HOGA1: variants seen among roughly 807,000 people sequenced by gnomAD.
The protein encoded by HOGA1 is 4-hydroxy-2-oxoglutarate aldolase 1, also known as 4-hydroxy-2-oxoglutarate aldolase, mitochondrial.
A neutral mutation model predicts 34.3 loss-of-function variants in HOGA1; 30 were observed. That is an observed-to-expected ratio of 0.87 (90% CI 0.65 to 1.19). The LOEUF (loss-of-function observed/expected upper bound fraction) is 1.19. Ranked by LOEUF, HOGA1 falls within the 50% of genes most tolerant of loss-of-function variation. The pLI, the probability that HOGA1 is intolerant of heterozygous loss-of-function variation, is 0.00. For synonymous variants in HOGA1, 161 were observed against 174.0 expected, an observed-to-expected ratio of 0.93 and a Z score of 0.59; for missense variants, 417 against 436.5, an observed-to-expected ratio of 0.96 and a Z score of 0.40.
intron 6 of HOGA1, chr10:97,602,503 A>G (rs931964430): frequency 5.1e-6 from 5 of 985,290 alleles, no homozygotes; most frequent in Non-Finnish European, 6.0e-6. Context: ...AGCAAAGGAG[A>G]ACTTCAGAGA....
In HOGA1 at chr10:97,599,206, A is replaced by G. The variant is rs114103069; in HGVS notation, c.458A>G (p.His153Arg). ...ATGAGCAGTGCGGCCCTCATTCACCACTACACCAAGGTGTGTGTGAGGCCT... is the reference window on the plus strand; with the variant it reads ...ATGAGCAGTGCGGCCCTCATTCACCGCTACACCAAGGTGTGTGTGAGGCCT... ...GRMSSAALIH[H>R]YTKVADLSPI... The change falls in exon 3 of 7, where the codon CAC (histidine) becomes CGC (arginine). Residue 153 changes from histidine to arginine, a missense_variant. Transcript: ENST00000370646. 2 of 1,613,912 alleles carry G rather than the reference A, an allele frequency of 1.2e-6. No individual in the cohort carries two copies. The highest frequency in any genetic ancestry group is 2.2e-5 in the East Asian group (1 of 44,876).
intron 1 of HOGA1, chr10:97,590,280 CT>C: frequency 2.5e-6 from 4 of 1,613,752 alleles, no homozygotes; most frequent in Non-Finnish European, 3.4e-6. Flanking sequence ...GCCGCTGTGG[CT>C]GCCTGCACCA....
chr10:97,601,602 A>T (rs1315285308), intron 5 of HOGA1, among the ~76,000 whole-genome samples: 1 of 152,158 alleles, frequency 6.6e-6, no homozygotes, highest in African/African-American at 2.4e-5. Context: ...GTTCACTTTC[A>T]GGCTCTGCTC....
At position 97,612,548 on chromosome 10, in the gene HOGA1, T is replaced by C. The variant is rs2041206090; in HGVS notation, c.*889T>C. On this transcript the variant is annotated 3_prime_UTR_variant, in exon 7 of 7. Transcript: ENST00000370646. ...ACGCCCTTTTCTAAATCTATTTTCATTCATCTCCTATTCTGGTCTGTAGCC... is the reference window on the plus strand; with the variant it reads ...ACGCCCTTTTCTAAATCTATTTTCACTCATCTCCTATTCTGGTCTGTAGCC... The C allele has an allele frequency of 6.6e-6, 1 of 152,240 alleles. No individual in the cohort carries two copies. The highest frequency in any genetic ancestry group is 1.5e-5 in the Non-Finnish European group (1 of 68,052). 9.4% of individuals were successfully genotyped at this position (152,240 alleles called of 1,614,324 possible).
In HOGA1 at chr10:97,601,887, A is replaced by G. The variant is rs1465978410; in HGVS notation, c.731A>G (p.Asn244Ser). 1.2e-6 allele frequency: 2 copies of G among 1,612,430 alleles called. No individual in the cohort carries two copies. The highest frequency in any genetic ancestry group is 1.7e-6 in the Non-Finnish European group (2 of 1,180,006). Residue 244 changes from asparagine to serine, a missense_variant, in exon 6 of 7, where the codon AAT becomes AGT. By Grantham distance (46) the Asn-to-Ser change is conservative. Coordinates refer to ENST00000370646, the MANE Select transcript of HOGA1 (RefSeq NM_138413.4). The part of the protein sequence containing the change: ...GAVGGVCALA[N>S]VLGAQVCQLE... ...GTGGGGGGCGTCTGCGCCCTGGCCAATGTCCTGGGGGCTCAGGTGTGCCAG... is the reference window on the plus strand; with the variant it reads ...GTGGGGGGCGTCTGCGCCCTGGCCAGTGTCCTGGGGGCTCAGGTGTGCCAG...
At chr10:97,591,693 C>T (rs1211561501) in intron 1 of HOGA1, among the ~76,000 whole-genome samples, 1 of 151,830 alleles carries the variant, frequency 6.6e-6, no homozygotes, top group Non-Finnish European at 1.5e-5. Context: ...GGCGTGATCA[C>T]GGCTCACTGC....
chr10:97,599,547 G>A (rs1295171460), intron 3 of HOGA1, 133 bp from the exon 4 acceptor site: 17 of 1,154,474 alleles, frequency 1.5e-5, no homozygotes, highest in African/African-American at 9.0e-5. Flanking sequence ...CTCGGGGCAC[G>A]TAGCATGGGA....
intron 1 of HOGA1, among the ~76,000 whole-genome samples, chr10:97,594,477 C>T (rs925129425): frequency 2.0e-5 from 3 of 152,054 alleles, no homozygotes; most frequent in Non-Finnish European, 4.4e-5. Flanking sequence ...GCCTCGGCCT[C>T]CTGAGTAACT....
At chr10:97,601,816 G>A (rs754541456) in intron 5 of HOGA1, 41 bp from the exon 6 acceptor site, 1 of 1,611,738 alleles carries the variant, frequency 6.2e-7, no homozygotes, top group Non-Finnish European at 8.5e-7. Context: ...TGCCTGGAGG[G>A]GAGAGGCTCT....
rs755562733 is a variant in HOGA1, at chr10:97,601,889, G to T, written c.733G>T (p.Val245Phe). The part of the protein sequence containing the change: ...AVGGVCALAN[V>F]LGAQVCQLER... The stretch of plus-strand genomic sequence containing the variant: ...GGGGGGCGTCTGCGCCCTGGCCAAT[G>T]TCCTGGGGGCTCAGGTGTGCCAGCT... The change falls in exon 6 of 7, where the codon GTC (valine) becomes TTC (phenylalanine). Residue 245 changes from valine to phenylalanine, a missense_variant. Transcript: ENST00000370646. 2.2e-5 allele frequency: 36 copies of T among 1,612,556 alleles called. No homozygotes were observed. Among genetic ancestry groups the T allele is most frequent in the Non-Finnish European group, 2.9e-5 (34 of 1,180,034 alleles).
intron 6 of HOGA1, among the ~76,000 whole-genome samples, chr10:97,609,256 C>T (rs17108160): frequency 2.8e-4 from 42 of 152,054 alleles, no homozygotes; most frequent in Non-Finnish European, 5.3e-4. Context: ...GGACAGGAAA[C>T]GGAGCGGCTT....
intron 6 of HOGA1, among the ~76,000 whole-genome samples, chr10:97,604,263 T>C (rs2041141466): frequency 6.6e-6 from 1 of 152,206 alleles, no homozygotes; most frequent in South Asian, 2.1e-4. Context: ...CATGTATCAA[T>C]AGTTAATTCC....
At chr10:97,604,169 G>A (rs2041140832) in intron 6 of HOGA1, among the ~76,000 whole-genome samples, 1 of 152,094 alleles carries the variant, frequency 6.6e-6, no homozygotes, top group African/African-American at 2.4e-5. Context: ...TATACTATAT[G>A]GAATCACATG....
chr10:97,602,079 C>T, intron 6 of HOGA1, 89 bp downstream of exon 6: 2 of 1,552,292 alleles, frequency 1.3e-6, no homozygotes, highest in Non-Finnish European at 1.7e-6. Context: ...GCACCAGGCC[C>T]CACTCAGTCT....
intron 6 of HOGA1, chr10:97,602,517 C>T (rs117985283): frequency 3.9e-5 from 38 of 985,240 alleles, no homozygotes; most frequent in African/African-American, 8.7e-5. Flanking sequence ...TCAGAGAGAA[C>T]GCCCATCAAG....
intron 6 of HOGA1, among the ~76,000 whole-genome samples, chr10:97,609,718 T>C (rs1028220895): frequency 2.0e-5 from 3 of 152,210 alleles, no homozygotes; most frequent in Non-Finnish European, 4.4e-5. Context: ...CCACATCAGA[T>C]ATCTTTGGAA....
intron 1 of HOGA1, chr10:97,589,736 G>A: frequency 1.5e-6 from 1 of 650,826 alleles, no homozygotes; most frequent in Non-Finnish European, 2.7e-6. Flanking sequence ...TCCTTGGGGA[G>A]CCTGCCCTTT....
chr10:97,611,587 C>A lies in HOGA1; in HGVS notation c.912C>A (p.Ala304=), dbSNP rs12261752. 0.3 allele frequency: 491,057 copies of A among 1,613,966 alleles called. 76,576 individuals carry two copies. The highest frequency in any genetic ancestry group is 0.41 in the East Asian group (18,534 of 44,864). ...GCTACTATGGAGGCCCCTGCCGCGC[C>A]CCCTTGCAGGAGCTGAGCCCCGCTG... ...WFGYYGGPCR[A]PLQELSPAEE... is the part of the protein sequence containing the mutation. The change falls in exon 7 of 7, where the codon GCC becomes GCA. Residue 304 remains alanine (A), a synonymous_variant. Coordinates refer to ENST00000370646, the MANE Select transcript of HOGA1 (RefSeq NM_138413.4).
Position 97,612,547 on chromosome 10 carries a change from A to G in HOGA1, c.*888A>G, listed in dbSNP as rs547245754. The G allele has an allele frequency of 6.6e-6, 1 of 152,310 alleles. No individual in the cohort carries two copies. Among genetic ancestry groups the G allele is most frequent in the Non-Finnish European group, 1.5e-5 (1 of 68,036 alleles). 9.4% of individuals were successfully genotyped at this position (152,310 alleles called of 1,614,324 possible). On this transcript the variant is annotated 3_prime_UTR_variant, in exon 7 of 7. Coordinates refer to ENST00000370646, the MANE Select transcript of HOGA1 (RefSeq NM_138413.4). ...AACGCCCTTTTCTAAATCTATTTTCATTCATCTCCTATTCTGGTCTGTAGC... is the reference window on the plus strand; with the variant it reads ...AACGCCCTTTTCTAAATCTATTTTCGTTCATCTCCTATTCTGGTCTGTAGC...
Sources: gnomAD v4.1 joint callset for allele counts (sites outside exome capture counted in the v4.1 genomes callset) on GRCh38, gnomAD v4.1.1 for gene constraint, MANE v1.5 for transcripts, NCBI Gene and HGNC (gene_info 2026-07-23, HGNC 2026-07-21) for gene names.